The following RAD23B variants were observed in gnomAD, a reference collection of about 807,000 sequenced individuals.
RAD23B encodes the protein lysine-specific demethylase RAD23B.
A neutral mutation model predicts 49.1 loss-of-function variants in RAD23B; 5 were observed. That is an observed-to-expected ratio of 0.10 (90% CI 0.05 to 0.21). RAD23B has a LOEUF of 0.21. Among genes scored for constraint, RAD23B ranks in the 10% least tolerant of loss-of-function variants. The pLI, the probability that RAD23B is intolerant of heterozygous loss-of-function variation, is 1.00. For synonymous variants in RAD23B, 184 were observed against 165.4 expected, an observed-to-expected ratio of 1.11 and a Z score of -0.86; for missense variants, 356 against 486.7, an observed-to-expected ratio of 0.73 and a Z score of 2.53.
rs563845927 is a variant in RAD23B at position 107,293,558 on chromosome 9, A to G, written c.67-6583A>G. On this transcript the variant is annotated intron_variant, in intron 1 of 9. Coordinates refer to ENST00000358015, the MANE Select transcript of RAD23B (RefSeq NM_002874.5). ...TATATAGTTACAACAGTAATAAGGA[A>G]CAACATAGTTACAAAAGTAAGAAGA... Among the ~76,000 whole-genome samples, 18 of 152,360 alleles carry G rather than the reference A, an allele frequency of 1.2e-4. No individual in the cohort carries two copies. In the South Asian group the frequency reaches 3.7e-3, roughly 32 times the overall value.
chr9:107,307,022 T>G (rs957523016), intron 4 of RAD23B, among the ~76,000 whole-genome samples: 5 of 152,188 alleles, frequency 3.3e-5, no homozygotes, highest in African/African-American at 9.6e-5. Flanking sequence ...CTGTATTCTT[T>G]GTGGTCATTG....
Position 107,330,927 on chromosome 9 carries a change from T to G in RAD23B, c.*1271T>G, listed in dbSNP as rs996787184. ...TTTTATTTGGATTTTTTCATCTCAG[T>G]TTTTTCTGTGGAATCTCCTTCATTG... On this transcript the variant is annotated 3_prime_UTR_variant, in exon 10 of 10. Transcript: ENST00000358015. The surrounding 1 kb of genome is among the most constrained non-coding windows in gnomAD (Gnocchi z 4.4). 2.6e-5 allele frequency: 4 copies of G among 152,600 alleles called. No individual in the cohort carries two copies. Among genetic ancestry groups the G allele is most frequent in the Non-Finnish European group, 5.9e-5 (4 of 68,026 alleles). 9.5% of individuals were successfully genotyped at this position (152,600 alleles called of 1,614,324 possible). A position where few individuals can be genotyped will look rare whatever the true frequency, so the allele number is the denominator to read the frequency against.
intron 1 of RAD23B, among the ~76,000 whole-genome samples, chr9:107,291,545 T>G (rs13299620): frequency 0.048 from 7,313 of 152,314 alleles, 229 homozygotes; most frequent in Non-Finnish European, 0.069. Flanking sequence ...AAAAATCTCC[T>G]GTACTAAATT....
Position 107,318,468 on chromosome 9 carries a change from AATGAGGTCTCTGTCTT to A in RAD23B, c.554-282_554-267del, listed in dbSNP as rs1339027175. Among the ~76,000 whole-genome samples the A allele has an allele frequency of 3.9e-5, 6 of 152,300 alleles. No homozygotes were observed. The South Asian group carries it at 8.3e-4, about 21-fold the overall frequency. On this transcript the variant is annotated intron_variant, in intron 5 of 9. Coordinates refer to ENST00000358015, the MANE Select transcript of RAD23B (RefSeq NM_002874.5). This position sits in a 1 kb window ranked among gnomAD's most constrained non-coding sequence, Gnocchi z 4.3. ...CACTGGACCCACCTGGATAATCCAG[AATGAGGTCTCTGTCTT>A]AAAGTCAGCTGATTAGCAACCTTAA...
rs55903517 is a variant in RAD23B, at chr9:107,318,729, T to C, written c.554-23T>C. 55 of 1,592,496 alleles carry C rather than the reference T, an allele frequency of 3.5e-5. No homozygotes were observed. In the East Asian group the frequency reaches 1.1e-3, roughly 31 times the overall value. ...CTTATTTATTAAATGTTCCTTTTTT[T>C]CCCCTCCACCCTCCCTTTTTAGTGA... On this transcript the variant is annotated intron_variant, in intron 5 of 9. Transcript: ENST00000358015. This position sits in a 1 kb window ranked among gnomAD's most constrained non-coding sequence, Gnocchi z 4.3.
In RAD23B at chr9:107,324,036, T is replaced by C. The variant is rs758507331; in HGVS notation, c.945+19T>C. 5.0e-6 allele frequency: 8 copies of C among 1,611,122 alleles called. No homozygotes were observed. The African/African-American group carries it at 8.0e-5, about 16-fold the overall frequency. The stretch of plus-strand genomic sequence containing the variant: ...ACTTCAGGTGACTAATCAGTGTCAG[T>C]TTCACAAGTGATTTAGAGTGTGTCA... On this transcript the variant is annotated intron_variant, in intron 8 of 9. Transcript: ENST00000358015.
At chr9:107,327,656 C>T (rs1333094070) in intron 9 of RAD23B, among the ~76,000 whole-genome samples, 2 of 151,988 alleles carry the variant, frequency 1.3e-5, no homozygotes, top group Non-Finnish European at 1.5e-5. Flanking sequence ...TATTGAGGTT[C>T]GTTTTGTGGC....
intron 1 of RAD23B, chr9:107,284,075 G>A (rs1833220466): frequency 7.9e-6 from 8 of 1,012,196 alleles, no homozygotes; most frequent in African/African-American, 1.7e-5. Flanking sequence ...AGACGTAGGC[G>A]TCGCCACTAC....
At chr9:107,324,099 C>G (rs1394650153) in intron 8 of RAD23B, 82 bp downstream of exon 8, 2 of 1,392,418 alleles carry the variant, frequency 1.4e-6, no homozygotes, top group East Asian at 4.6e-5. Context: ...TTCCCCTCCT[C>G]AAATACAACT....
chr9:107,283,936 C>G, intron 1 of RAD23B: 2 of 1,071,260 alleles, frequency 1.9e-6, no homozygotes, highest in East Asian at 9.0e-5. Context: ...TGGCAGATGG[C>G]GTGGAGCGCA....
chr9:107,299,856 A>G (rs192493074), intron 1 of RAD23B, among the ~76,000 whole-genome samples: 4 of 152,288 alleles, frequency 2.6e-5, no homozygotes, highest in South Asian at 4.1e-4. Context: ...CAGTATATAA[A>G]CCAAAACTTT....
At chr9:107,327,585 C>G (rs1010170235) in intron 9 of RAD23B, among the ~76,000 whole-genome samples, 6 of 152,042 alleles carry the variant, frequency 3.9e-5, no homozygotes, top group African/African-American at 1.2e-4. Flanking sequence ...ACATTTTCTC[C>G]TTTCGATTTC....
At chr9:107,325,198 C>T (rs768049796) in intron 9 of RAD23B, 194 bp downstream of exon 9, 28 of 394,220 alleles carry the variant, frequency 7.1e-5, no homozygotes, top group Middle Eastern at 8.3e-4. Context: ...CCTGTAATCT[C>T]AGCTACTTGG....
chr9:107,294,010 A>G (rs997317012), intron 1 of RAD23B, among the ~76,000 whole-genome samples: 4 of 152,200 alleles, frequency 2.6e-5, no homozygotes, highest in African/African-American at 9.7e-5. Flanking sequence ...ACCTCAAACT[A>G]TTGGGATAAC....
At chr9:107,328,114 G>T (rs370340474) in intron 9 of RAD23B, among the ~76,000 whole-genome samples, 5 of 152,136 alleles carry the variant, frequency 3.3e-5, no homozygotes, top group African/African-American at 1.2e-4. Context: ...CAGTTGGATT[G>T]TACCCTTTAC....
intron 1 of RAD23B, among the ~76,000 whole-genome samples, chr9:107,295,949 T>A (rs1213691043): frequency 6.6e-6 from 1 of 152,132 alleles, no homozygotes; most frequent in African/African-American, 2.4e-5. Flanking sequence ...TAGTGAAGAT[T>A]GAAATGAAAG....
chr9:107,301,339 A>AAT (rs2133074623), intron 2 of RAD23B, among the ~76,000 whole-genome samples: 1 of 152,290 alleles, frequency 6.6e-6, no homozygotes, highest in Non-Finnish European at 1.5e-5. Context: ...ATCATAAAAG[A>AAT]ATATAGGTTA....
intron 1 of RAD23B, among the ~76,000 whole-genome samples, chr9:107,288,913 A>AGAGTGAGTTAGGC (rs2133062800): frequency 2.0e-5 from 3 of 152,258 alleles, no homozygotes; most frequent in South Asian, 2.1e-4. Flanking sequence ...AAGAGATAAG[A>AGAGTGAGTTAGGC]GAGTGAGTTA....
intron 8 of RAD23B, among the ~76,000 whole-genome samples, chr9:107,324,613 TAAGA>T (rs11573720): frequency 0.012 from 1,822 of 152,286 alleles, 40 homozygotes; most frequent in African/African-American, 0.042. Context: ...TCAGAGCACT[TAAGA>T]ATTTGAATTT....
Sources: allele counts gnomAD v4.1 joint callset (sites outside exome capture counted in the v4.1 genomes callset), GRCh38; gene constraint gnomAD v4.1.1; non-coding constraint Gnocchi (gnomAD v3.1); transcripts MANE v1.5; gene names NCBI Gene and HGNC (gene_info 2026-07-23, HGNC 2026-07-21).